The following SPATC1L variants were observed in gnomAD, a reference collection of about 807,000 sequenced individuals.
The protein encoded by SPATC1L is speriolin-like protein.
Under a neutral mutation model 21.2 loss-of-function variants are expected in SPATC1L, and 20 were observed. The ratio of observed to expected loss-of-function variants is 0.94; its 90% CI spans 0.66 to 1.37. The LOEUF (loss-of-function observed/expected upper bound fraction) is 1.37. Among genes scored for constraint, SPATC1L ranks in the 40% most tolerant of loss-of-function variants. The pLI is 0.00. For missense variants in SPATC1L, 499 were observed against 478.7 expected, an observed-to-expected ratio of 1.04 and a Z score of -0.40; for synonymous variants, 290 against 234.5, an observed-to-expected ratio of 1.24 and a Z score of -2.16.
At position 46,168,666 on chromosome 21, in the gene SPATC1L, G is replaced by T; in HGVS notation, c.194-8C>A. The stretch of plus-strand genomic sequence containing the variant: ...ACCTTCCGAAATCTGGAACTGAGGC[G>T]GGGAGGAAAGGGATGAGAAATCAGG... On this transcript the variant is annotated splice_region_variant and splice_polypyrimidine_tract_variant and intron_variant, in intron 2 of 4. Transcript: ENST00000291672. The T allele has an allele frequency of 1.5e-6, 2 of 1,353,558 alleles. No individual in the cohort carries two copies. Among genetic ancestry groups the T allele is most frequent in the Non-Finnish European group, 9.6e-7 (1 of 1,039,772 alleles). The allele number at this position is 1,353,558 out of a possible 1,614,324, so 83.8% of individuals were successfully genotyped here.
chr21:46,169,551 T>C (rs75121928), intron 2 of SPATC1L, among the ~76,000 whole-genome samples: 12 of 138,992 alleles, frequency 8.6e-5, no homozygotes, highest in Admixed American at 2.8e-4. Flanking sequence ...GGGAGGAGCC[T>C]CCTGCTCTGT....
At chr21:46,171,445 A>T (rs937042910) in intron 2 of SPATC1L, among the ~76,000 whole-genome samples, 1 of 133,968 alleles carries the variant, frequency 7.5e-6, no homozygotes, top group South Asian at 2.4e-4. Context: ...AAAAAAAAAA[A>T]TGTGCCTACA....
chr21:46,182,517 C>T, intron 2 of SPATC1L, 107 bp downstream of exon 2: 1 of 1,086,602 alleles, frequency 9.2e-7, no homozygotes, highest in Non-Finnish European at 1.3e-6. Context: ...TGAAAGGTGC[C>T]CGTGACCTCC....
intron 3 of SPATC1L, among the ~76,000 whole-genome samples, chr21:46,163,404 T>G (rs2079517295): frequency 1.3e-5 from 2 of 152,350 alleles, no homozygotes; most frequent in South Asian, 4.1e-4. Context: ...ATGTGATCTC[T>G]AAGAATCCAT....
chr21:46,180,768 T>G (rs1247821030), intron 2 of SPATC1L, among the ~76,000 whole-genome samples: 1 of 152,066 alleles, frequency 6.6e-6, no homozygotes, highest in Non-Finnish European at 1.5e-5. Flanking sequence ...TCCAGGCCCC[T>G]CCCCGCTGCC....
chr21:46,177,496 T>A lies in SPATC1L; in HGVS notation c.193+5128A>T, dbSNP rs531764481. 3.4e-4 allele frequency among the ~76,000 whole-genome samples: 52 copies of A among 152,178 alleles called. 1 individual carries two copies. The highest frequency in any genetic ancestry group is 1.1e-3 in the African/African-American group (47 of 41,512). ...GACATACATACAGCCAACGAGCATA[T>A]GAAAAAAGGCTCAACATCACTGCTT... On this transcript the variant is annotated intron_variant, in intron 2 of 4. Transcript: ENST00000291672.
In SPATC1L at chr21:46,161,497, G is replaced by A. The variant is rs138638304; in HGVS notation, c.905C>T (p.Ala302Val). 3.1e-4 allele frequency: 494 copies of A among 1,606,998 alleles called. 2 individuals are homozygous for A. Among genetic ancestry groups the A allele is most frequent in the South Asian group, 8.5e-4 (77 of 90,682 alleles). The change falls in exon 5 of 5, where the codon GCG becomes GTG. Residue 302 changes from alanine to valine, a missense_variant. Ala to Val is a moderately conservative substitution (Grantham distance 64, BLOSUM62 0). Coordinates refer to ENST00000291672, the MANE Select transcript of SPATC1L (RefSeq NM_001142854.2). ...RANPLHSSPA[A>V]LRKLVIDVVP... ...CACGTCGATGACCAGCTTGCGCAGC[G>A]CGGCCGGGCTGCTGTGCAGGGGGTT...
rs771359378 is a variant in SPATC1L, at chr21:46,161,503, G to A, written c.899C>T (p.Pro300Leu). 1.2e-5 allele frequency: 20 copies of A among 1,607,756 alleles called. No individual in the cohort carries two copies. The highest frequency in any genetic ancestry group is 4.5e-5 in the East Asian group (2 of 44,664). Residue 300 changes from proline to leucine, a missense_variant, in exon 5 of 5, where the codon CCG becomes CTG. Physicochemically the swap from Pro to Leu is moderately conservative, Grantham distance 98. Coordinates refer to ENST00000291672, the MANE Select transcript of SPATC1L (RefSeq NM_001142854.2). ...GATGACCAGCTTGCGCAGCGCGGCC[G>A]GGCTGCTGTGCAGGGGGTTGGCGCG... is the stretch of plus-strand genomic sequence containing the variant. ...DLRANPLHSS[P>L]AALRKLVIDV...
intron 2 of SPATC1L, among the ~76,000 whole-genome samples, chr21:46,180,056 C>A (rs1199593263): frequency 1.3e-5 from 2 of 151,906 alleles, no homozygotes; most frequent in African/African-American, 2.4e-5. Context: ...CAGCCTTTGA[C>A]CCGAGGACCC....
At chr21:46,175,494 A>C (rs930842526) in intron 2 of SPATC1L, among the ~76,000 whole-genome samples, 1 of 152,164 alleles carries the variant, frequency 6.6e-6, no homozygotes, top group Non-Finnish European at 1.5e-5. Flanking sequence ...TGACCCCGCA[A>C]AAATACAACC....
chr21:46,162,590 C>CT (rs3057184), intron 3 of SPATC1L, among the ~76,000 whole-genome samples: 7 of 133,406 alleles, frequency 5.2e-5, no homozygotes, highest in Non-Finnish European at 9.2e-5. Flanking sequence ...GTTGGCAGGA[C>CT]TTTTTTTTTT....
intron 2 of SPATC1L, among the ~76,000 whole-genome samples, chr21:46,176,356 G>A (rs1008427909): frequency 1.3e-5 from 2 of 152,166 alleles, no homozygotes; most frequent in Non-Finnish European, 2.9e-5. Flanking sequence ...CCTGTTTGCA[G>A]ATGACATGAT....
At position 46,168,360 on chromosome 21, in the gene SPATC1L, C is replaced by T. The variant is rs747760174; in HGVS notation, c.492G>A (p.Ser164=). 7.5e-6 allele frequency: 12 copies of T among 1,604,928 alleles called. No individual in the cohort carries two copies. Among genetic ancestry groups the T allele is most frequent in the East Asian group, 4.5e-5 (2 of 44,594 alleles). Residue 164 remains serine (S), a synonymous_variant, in exon 3 of 5, where the codon TCG becomes TCA. Transcript: ENST00000291672. The stretch of plus-strand genomic sequence containing the variant: ...TGTCCCCGGTGGGCAGGCTGCTCTC[C>T]GAGAAACACACCTTCTTAGGCCGGA... ...EMVRPKKVCF[S]ESSLPTGDRT...
intron 2 of SPATC1L, among the ~76,000 whole-genome samples, chr21:46,181,134 G>A (rs539680563): frequency 6.6e-6 from 1 of 152,326 alleles, no homozygotes; most frequent in African/African-American, 2.4e-5. Flanking sequence ...AGCCTGCGGC[G>A]GTCCACACAC....
chr21:46,162,742 C>T (rs550507362), intron 3 of SPATC1L, among the ~76,000 whole-genome samples: 1 of 152,118 alleles, frequency 6.6e-6, no homozygotes, highest in South Asian at 2.1e-4. Context: ...CGTGCCACCA[C>T]ACCCAGCCAA....
In SPATC1L at chr21:46,168,665, C is replaced by G. The variant is rs1028017544; in HGVS notation, c.194-7G>C. 7.4e-7 allele frequency: 1 copy of G among 1,349,898 alleles called. No homozygotes were observed. The highest frequency in any genetic ancestry group is 1.5e-5 in the African/African-American group (1 of 67,952). 83.6% of individuals were successfully genotyped at this position (1,349,898 alleles called of 1,614,324 possible). A position where few individuals can be genotyped will look rare whatever the true frequency, so the allele number is the denominator to read the frequency against. On this transcript the variant is annotated splice_region_variant and splice_polypyrimidine_tract_variant and intron_variant, in intron 2 of 4. Transcript: ENST00000291672. Reference sequence around the variant, plus strand: ...AACCTTCCGAAATCTGGAACTGAGGCGGGGAGGAAAGGGATGAGAAATCAG... The same window carrying G: ...AACCTTCCGAAATCTGGAACTGAGGGGGGGAGGAAAGGGATGAGAAATCAG...
intron 2 of SPATC1L, among the ~76,000 whole-genome samples, chr21:46,172,118 C>T (rs1234116287): frequency 4.9e-4 from 5 of 10,130 alleles, no homozygotes; most frequent in African/African-American, 7.0e-4. Context: ...GAGCATGAGG[C>T]GGGGGATGCA....
At position 46,183,370 on chromosome 21, in the gene SPATC1L, A is replaced by AG. The variant is rs2079692984; in HGVS notation, c.-555dup. 1 of 175,132 alleles carries AG rather than the reference A, an allele frequency of 5.7e-6. No homozygotes were observed. Among genetic ancestry groups the AG allele is most frequent in the South Asian group, 9.4e-5 (1 of 10,658 alleles). 10.8% of individuals were successfully genotyped at this position (175,132 alleles called of 1,614,324 possible). On this transcript the variant is annotated 5_prime_UTR_variant, in exon 2 of 5. An upstream open reading frame in the 5' UTR gains an earlier in-frame stop. Transcript: ENST00000291672. ...GGTCCGTCCTTGGCACCCACACTTGAGGAGGGAGGGACTGGCAAGGGCAGT... is the reference window on the plus strand; with the variant it reads ...GGTCCGTCCTTGGCACCCACACTTGAGGGAGGGAGGGACTGGCAAGGGCAGT...
chr21:46,184,146 C>T (rs1191141955), intron 1 of SPATC1L, among the ~76,000 whole-genome samples: 4 of 152,166 alleles, frequency 2.6e-5, no homozygotes, highest in African/African-American at 7.2e-5. Context: ...CACGAGCGCC[C>T]GTGTCTAAGA....
Sources: gnomAD v4.1 joint callset for allele counts (sites outside exome capture counted in the v4.1 genomes callset) on GRCh38, gnomAD v4.1.1 for gene constraint, MANE v1.5 for transcripts, NCBI Gene and HGNC (gene_info 2026-07-23, HGNC 2026-07-21) for gene names.